Variants in MATR3 observed in about 807,000 individuals in gnomAD.
MATR3 encodes the protein matrin-3.
In MATR3, 4 loss-of-function variants were observed where a neutral mutation model predicts 85.5. That is an observed-to-expected ratio of 0.05 (90% CI 0.02 to 0.11). The LOEUF is 0.11. Among genes scored for constraint, MATR3 ranks in the 10% least tolerant of loss-of-function variants. MATR3 has a pLI of 1.00. For missense variants in MATR3, 685 were observed against 1,016.1 expected, an observed-to-expected ratio of 0.67 and a Z score of 4.43; for synonymous variants, 336 against 343.1, an observed-to-expected ratio of 0.98 and a Z score of 0.23.
chr5:139,281,092 C>G (rs576366278), intron 3 of MATR3, among the ~76,000 whole-genome samples: 1 of 152,054 alleles, frequency 6.6e-6, no homozygotes, highest in Non-Finnish European at 1.5e-5. Flanking sequence ...GCTCACTGCA[C>G]CCTTGACCTC....
At chr5:139,323,412 A>T (rs1486508601) in intron 12 of MATR3, among the ~76,000 whole-genome samples, 2 of 152,248 alleles carry the variant, frequency 1.3e-5, no homozygotes, top group African/African-American at 4.8e-5. Context: ...GCCTGGTCAG[A>T]TACCTTAGTA....
At chr5:139,286,175 GGTTAA>G (rs1053672686) in intron 3 of MATR3, among the ~76,000 whole-genome samples, 2 of 152,058 alleles carry the variant, frequency 1.3e-5, no homozygotes, top group East Asian at 3.9e-4. Flanking sequence ...AGCAGCTACT[GGTTAA>G]GTTTTCTGTT....
chr5:139,319,896 A>T (rs1581251998), intron 9 of MATR3, among the ~76,000 whole-genome samples: 4 of 85,866 alleles, frequency 4.7e-5, no homozygotes, highest in Admixed American at 1.4e-4. Flanking sequence ...TTTAAAGTAT[A>T]TCCCTATTTT....
chr5:139,293,523 C>T (rs1253972937), upstream of MATR3: 3 of 156,558 alleles, frequency 1.9e-5, no homozygotes, highest in African/African-American at 7.2e-5. Flanking sequence ...CCATTTCCCG[C>T]CTCAGCTGGA....
chr5:139,296,860 C>T (rs1754181190), intron 1 of MATR3, among the ~76,000 whole-genome samples: 1 of 152,176 alleles, frequency 6.6e-6, no homozygotes, highest in Non-Finnish European at 1.5e-5. Context: ...GTACAGCTAT[C>T]CCACACTTCT....
intron 2 of MATR3, chr5:139,314,403 T>C: frequency 2.5e-6 from 1 of 402,226 alleles, no homozygotes; most frequent in Non-Finnish European, 4.7e-6. Context: ...TGATCTTTAT[T>C]AACTCTATAT....
At chr5:139,323,254 A>G (rs1406268859) in intron 12 of MATR3, among the ~76,000 whole-genome samples, 1 of 152,178 alleles carries the variant, frequency 6.6e-6, no homozygotes, top group Non-Finnish European at 1.5e-5. Context: ...GTGTAGTGGT[A>G]GCATATAGGT....
At position 139,321,946 on chromosome 5, in the gene MATR3, C is replaced by G; in HGVS notation, c.1651C>G (p.His551Asp). Residue 551 changes from histidine to aspartate, a missense_variant, in exon 10 of 15, where the codon CAT (histidine) becomes GAT (aspartate). Coordinates refer to ENST00000394805, the MANE Select transcript of MATR3 (RefSeq NM_018834.6). The stretch of plus-strand genomic sequence containing the variant: ...AGAAGATGCAATGGCAATGGTTGAC[C>G]ATTGTTTGAAAAAAGCCCTTTGGTT... ...TREDAMAMVD[H>D]CLKKALWFQG... 1 of 1,613,806 alleles carries G rather than the reference C, an allele frequency of 6.2e-7. No individual in the cohort carries two copies. The highest frequency in any genetic ancestry group is 8.5e-7 in the Non-Finnish European group (1 of 1,179,920).
intron 1 of MATR3, among the ~76,000 whole-genome samples, chr5:139,302,073 AC>A (rs1239389877): frequency 1.3e-5 from 2 of 152,086 alleles, no homozygotes; most frequent in African/African-American, 4.8e-5. Context: ...CTGGCACTAC[AC>A]TTTTTTATCT....
intron 2 of MATR3, among the ~76,000 whole-genome samples, chr5:139,308,745 A>G: frequency 6.6e-6 from 1 of 152,178 alleles, no homozygotes; most frequent in East Asian, 1.9e-4. Context: ...GTAAAGATGT[A>G]TTCTTGAACA....
chr5:139,295,950 G>A (rs369319788), intron 1 of MATR3, among the ~76,000 whole-genome samples: 1 of 152,154 alleles, frequency 6.6e-6, no homozygotes, highest in African/African-American at 2.4e-5. Flanking sequence ...CAGCCTCCTG[G>A]GTAGCTGAGA....
Position 139,314,780 on chromosome 5 carries a change from G to C in MATR3, c.974+44G>C, listed in dbSNP as rs757033969. On this transcript the variant is annotated intron_variant, in intron 3 of 14. Transcript: ENST00000394805. Reference sequence around the variant, plus strand: ...TTTAAAACATCCTTATCGTGAATCAGAATCAGCCATTATTGGTTTTTGGGA... The same window carrying C: ...TTTAAAACATCCTTATCGTGAATCACAATCAGCCATTATTGGTTTTTGGGA... 3.8e-6 allele frequency: 6 copies of C among 1,569,850 alleles called. No homozygotes were observed. In the African/African-American group the frequency reaches 4.1e-5, roughly 11 times the overall value.
chr5:139,316,188 G>C lies in MATR3; in HGVS notation c.1129G>C (p.Gly377Arg), dbSNP rs1269816989. 1.2e-6 allele frequency: 2 copies of C among 1,602,476 alleles called. No homozygotes were observed. The highest frequency in any genetic ancestry group is 2.7e-5 in the African/African-American group (2 of 74,702). Residue 377 changes from glycine to arginine, a missense_variant and splice_region_variant, in exon 5 of 15, where the codon GGT (glycine) becomes CGT (arginine). Gly to Arg is a moderately radical substitution (Grantham distance 125). Coordinates refer to ENST00000394805, the MANE Select transcript of MATR3 (RefSeq NM_018834.6). ...GPAVGPRGNL[G>R]AGNGNLQGPR... is the part of the protein sequence containing the mutation. The stretch of plus-strand genomic sequence containing the variant: ...AGCAGTTGGACCAAGAGGAAATCTG[G>C]GTAATTATATAAAATTCATGTTACT...
chr5:139,276,240 G>C, intron 2 of MATR3: 2 of 456,334 alleles, frequency 4.4e-6, no homozygotes, highest in South Asian at 3.1e-5. Flanking sequence ...ACTGCTGGGA[G>C]AACAGCAGCC....
At position 139,308,216 on chromosome 5, in the gene MATR3, G is replaced by A; in HGVS notation, c.801G>A (p.Glu267=). The A allele has an allele frequency of 6.2e-7, 1 of 1,614,038 alleles. No homozygotes were observed. The highest frequency in any genetic ancestry group is 2.2e-5 in the East Asian group (1 of 44,884). ...CCTTACAAGAGAGATCTCTCTTTGA[G>A]AAAAAGAGAGGCGCTCCTCCAAGTA... ...PGPLQERSLF[E]KKRGAPPSSN... is the part of the protein sequence containing the mutation. Residue 267 remains glutamate (E), a synonymous_variant, in exon 2 of 15, where the codon GAG becomes GAA. Transcript: ENST00000394805.
At chr5:139,317,571 T>C in intron 6 of MATR3, 25 bp from the exon 7 acceptor site, 1 of 1,611,340 alleles carries the variant, frequency 6.2e-7, no homozygotes, top group Non-Finnish European at 8.5e-7. Context: ...ACTTAATTGC[T>C]TGGTTTTTTT....
At position 139,274,135 on chromosome 5, in the gene MATR3, G is replaced by T. The variant is rs759058141; in HGVS notation, c.-313G>T. On this transcript the variant is annotated 5_prime_UTR_variant, in exon 1 of 17. Transcript: ENST00000509990. ...CTCCGGCCTCTGCCGGTGCTGCTGC[G>T]CCCTGCGGAGCTCCGAACACGTGCG... The T allele has an allele frequency of 5.2e-5, 23 of 440,054 alleles. 1 individual carries two copies. Among genetic ancestry groups the T allele is most frequent in the South Asian group, 2.9e-4 (18 of 63,080 alleles). The allele number at this position is 440,054 out of a possible 1,614,324, so 27.3% of individuals were successfully genotyped here.
intron 13 of MATR3, 145 bp downstream of exon 13, chr5:139,325,807 A>G (rs1292320472): frequency 1.4e-6 from 1 of 722,522 alleles, no homozygotes; most frequent in African/African-American, 1.8e-5. Context: ...CAATTTATAA[A>G]TCTTAATTGA....
chr5:139,274,170 G>A (rs1332442261), intron 1 of MATR3: 1 of 415,734 alleles, frequency 2.4e-6, no homozygotes, highest in African/African-American at 2.1e-5. Flanking sequence ...GCGTGAGTAA[G>A]GACCCAGAGG....
Sources: gnomAD v4.1 joint callset for allele counts (sites outside exome capture counted in the v4.1 genomes callset) on GRCh38, gnomAD v4.1.1 for gene constraint, MANE v1.5 for transcripts, NCBI Gene and HGNC (gene_info 2026-07-23, HGNC 2026-07-21) for gene names.